The following CPS1 variants were observed in gnomAD, a reference collection of about 807,000 sequenced individuals.
The protein encoded by CPS1 is carbamoyl-phosphate synthase [ammonia], mitochondrial.
Under a neutral mutation model 174.6 loss-of-function variants are expected in CPS1, and 109 were observed. The observed-to-expected ratio is 0.62, with a 90% CI of 0.53 to 0.73. The LOEUF (loss-of-function observed/expected upper bound fraction) is 0.73. Among genes scored for constraint, CPS1 ranks in the 30% least tolerant of loss-of-function variants. The pLI, the probability that CPS1 is intolerant of heterozygous loss-of-function variation, is 0.00. For missense variants in CPS1, 1,689 were observed against 1,821.9 expected (o/e 0.93, Z 1.33); for synonymous variants, 637 against 632.0 (o/e 1.01, Z -0.12).
chr2:210,479,189 C>T (rs1336066601), intron 1 of CPS1, among the ~76,000 whole-genome samples: 1 of 152,096 alleles, frequency 6.6e-6, no homozygotes, highest in Non-Finnish European at 1.5e-5. Flanking sequence ...CCATCTGAGG[C>T]CTGTCTTGTT....
At chr2:210,607,090 C>A in intron 18 of CPS1, 149 bp downstream of exon 18, 1 of 705,096 alleles carries the variant, frequency 1.4e-6, no homozygotes, top group Middle Eastern at 4.1e-4. Context: ...ACCCTGAGGA[C>A]ATGATTATTA....
chr2:210,675,997 A>G (rs1334817479), intron 36 of CPS1, among the ~76,000 whole-genome samples, 157 bp downstream of exon 36: 2 of 152,244 alleles, frequency 1.3e-5, no homozygotes, highest in Non-Finnish European at 2.9e-5. Flanking sequence ...CTCCATCACT[A>G]TGGAATACAT....
intron 1 of CPS1, among the ~76,000 whole-genome samples, chr2:210,539,859 A>G (rs1696354313): frequency 6.6e-6 from 1 of 152,144 alleles, no homozygotes; most frequent in African/African-American, 2.4e-5. Context: ...TGTCACAACC[A>G]GACTTGGGTT....
intron 1 of CPS1, among the ~76,000 whole-genome samples, chr2:210,566,436 CATTTCACTTTGACA>C (rs2106058091): frequency 6.6e-6 from 1 of 152,254 alleles, no homozygotes; most frequent in African/African-American, 2.4e-5. Context: ...CATGACTTGA[CATTTCACTTTGACA>C]ATTTACAGAT....
In CPS1 at chr2:210,588,151, A is replaced by C; in HGVS notation, c.711+4A>C. On this transcript the variant is annotated splice_donor_region_variant and intron_variant, in intron 7 of 37. Coordinates refer to ENST00000233072, the MANE Select transcript of CPS1 (RefSeq NM_001875.5). ...TGTAATCCGCCTGCTAGTAAAGGTAAGTAATTTGTTCATTTCAAAGGTGAG... is the reference window on the plus strand; with the variant it reads ...TGTAATCCGCCTGCTAGTAAAGGTACGTAATTTGTTCATTTCAAAGGTGAG... 6.2e-7 allele frequency: 1 copy of C among 1,611,340 alleles called. No homozygotes were observed. The highest frequency in any genetic ancestry group is 8.5e-7 in the Non-Finnish European group (1 of 1,177,842).
At position 210,556,633 on chromosome 2, in the gene CPS1, T is replaced by C; in HGVS notation, c.-101T>C. 6.4e-7 allele frequency: 1 copy of C among 1,562,804 alleles called. No homozygotes were observed. The highest frequency in any genetic ancestry group is 8.7e-7 in the Non-Finnish European group (1 of 1,154,164). ...TGTGCAGTCAGCCTTAAACACTGAC[T>C]GCACCCCTCCCAGATTTCTTTTACA... On this transcript the variant is annotated 5_prime_UTR_variant, in exon 1 of 38. Transcript: ENST00000233072.
intron 21 of CPS1, among the ~76,000 whole-genome samples, chr2:210,634,389 T>C (rs1298044516): frequency 6.6e-6 from 1 of 152,184 alleles, no homozygotes; most frequent in Non-Finnish European, 1.5e-5. Context: ...GAGATCTTGC[T>C]ACTGCACTTC....
chr2:210,662,958 G>A (rs976604850), intron 32 of CPS1, among the ~76,000 whole-genome samples, 165 bp from the exon 33 acceptor site: 2 of 151,884 alleles, frequency 1.3e-5, no homozygotes, highest in African/African-American at 2.4e-5. Flanking sequence ...GAGTTTTAAA[G>A]CCATCTTTCA....
chr2:210,663,184 C>T lies in CPS1; in HGVS notation c.3989C>T (p.Ala1330Val). 1 of 1,613,514 alleles carries T rather than the reference C, an allele frequency of 6.2e-7. No individual in the cohort carries two copies. Among genetic ancestry groups the T allele is most frequent in the Non-Finnish European group, 8.5e-7 (1 of 1,179,774 alleles). ...GACCCCATTCTGAGATGTGAGATGGCTTCCACTGGAGAGGTAACTAGTTAA... is the reference window on the plus strand; with the variant it reads ...GACCCCATTCTGAGATGTGAGATGGTTTCCACTGGAGAGGTAACTAGTTAA... ...DADPILRCEM[A>V]STGEVACFGE... The change falls in exon 33 of 38, where the codon GCT becomes GTT. Residue 1330 changes from alanine to valine, a missense_variant. Ala to Val is a moderately conservative substitution (Grantham distance 64). Transcript: ENST00000233072.
chr2:210,636,973 G>A (rs1311874705), intron 21 of CPS1, among the ~76,000 whole-genome samples: 1 of 152,240 alleles, frequency 6.6e-6, no homozygotes, highest in African/African-American at 2.4e-5. Context: ...ATATTAGTAA[G>A]TAGAGGTAAT....
chr2:210,553,661 T>C (rs1251681296), upstream of CPS1, among the ~76,000 whole-genome samples: 1 of 151,962 alleles, frequency 6.6e-6, no homozygotes, highest in Non-Finnish European at 1.5e-5. Flanking sequence ...AGGAGGACTG[T>C]GTACATGTGG....
At chr2:210,634,887 C>T (rs951956965) in intron 21 of CPS1, among the ~76,000 whole-genome samples, 2 of 152,166 alleles carry the variant, frequency 1.3e-5, no homozygotes, top group Non-Finnish European at 1.5e-5. Context: ...CAAACAATAG[C>T]CAATACTGTT....
At chr2:210,544,815 A>C (rs1385642251) in intron 1 of CPS1, among the ~76,000 whole-genome samples, 1 of 152,010 alleles carries the variant, frequency 6.6e-6, no homozygotes, top group African/African-American at 2.4e-5. Flanking sequence ...TTTAGTCTTA[A>C]AGTTTAAGAT....
At chr2:210,672,156 T>A (rs573878795) in intron 34 of CPS1, 111 of 152,324 alleles carry the variant, frequency 7.3e-4, no homozygotes, top group African/African-American at 2.6e-3. Flanking sequence ...CAGGTAATGC[T>A]GATGCTGCTC....
intron 1 of CPS1, among the ~76,000 whole-genome samples, chr2:210,513,831 A>G (rs948652488): frequency 2.0e-5 from 3 of 152,020 alleles, no homozygotes; most frequent in African/African-American, 7.2e-5. Flanking sequence ...GTCTTACATT[A>G]AATCTTTAAT....
At chr2:210,677,570 G>A (rs1293097998) in intron 37 of CPS1, among the ~76,000 whole-genome samples, 1 of 152,166 alleles carries the variant, frequency 6.6e-6, no homozygotes, top group African/African-American at 2.4e-5. Flanking sequence ...ATGACCCATC[G>A]AATTTATCAC....
At chr2:210,545,563 C>G (rs11904316) in intron 1 of CPS1, among the ~76,000 whole-genome samples, 133 of 151,876 alleles carry the variant, frequency 8.8e-4, no homozygotes, top group African/African-American at 3.2e-3. Context: ...TACACGATGC[C>G]TTATGTATTT....
intron 1 of CPS1, among the ~76,000 whole-genome samples, chr2:210,568,598 A>G (rs1178081789): frequency 6.6e-6 from 1 of 152,044 alleles, no homozygotes; most frequent in Admixed American, 6.6e-5. Context: ...GATGAGGTAG[A>G]ACTATTTTTA....
chr2:210,566,684 A>G (rs1574532136), intron 1 of CPS1, among the ~76,000 whole-genome samples: 1 of 152,210 alleles, frequency 6.6e-6, no homozygotes, highest in Admixed American at 6.6e-5. Context: ...TCCAGTTGCT[A>G]ATAGAATGAT....
Sources: allele counts gnomAD v4.1 joint callset (sites outside exome capture counted in the v4.1 genomes callset), GRCh38; gene constraint gnomAD v4.1.1; transcripts MANE v1.5; gene names NCBI Gene and HGNC (gene_info 2026-07-23, HGNC 2026-07-21).